LAMA2: variants seen among roughly 807,000 people sequenced by gnomAD.
LAMA2 encodes laminin subunit alpha 2.
In LAMA2, 269 loss-of-function variants were observed where a neutral mutation model predicts 364.8. That is an observed-to-expected ratio of 0.74 (90% confidence interval 0.67 to 0.82). LAMA2 has a LOEUF of 0.82. LAMA2 is among the 40% of genes least tolerant of loss of function. The pLI, the probability that LAMA2 is intolerant of heterozygous loss-of-function variation, is 0.00. For missense variants in LAMA2, 3,807 were observed against 3,873.2 expected (o/e 0.98, Z 0.45); for synonymous variants, 1,379 against 1,370.6 (o/e 1.01, Z -0.14).
At chr6:129,481,772 C>A (rs577129129) in intron 55 of LAMA2, among the ~76,000 whole-genome samples, 1 of 152,082 alleles carries the variant, frequency 6.6e-6, no homozygotes, top group Non-Finnish European at 1.5e-5. Context: ...TCTCCAAGTC[C>A]GACTCCTTAC....
At chr6:129,486,644 T>G in intron 56 of LAMA2, 22 bp downstream of exon 56, 2 of 1,607,582 alleles carry the variant, frequency 1.2e-6, no homozygotes, top group Non-Finnish European at 1.7e-6. Context: ...ACTAAAATAT[T>G]TATTATTGTA....
chr6:129,124,704 A>T (rs1028088151), intron 4 of LAMA2, among the ~76,000 whole-genome samples: 1 of 152,166 alleles, frequency 6.6e-6, no homozygotes, highest in Non-Finnish European at 1.5e-5. Context: ...TCTTTTTCAT[A>T]AAAAAAATTT....
chr6:129,122,407 T>C (rs575133738), intron 4 of LAMA2, among the ~76,000 whole-genome samples: 3 of 152,300 alleles, frequency 2.0e-5, no homozygotes, highest in South Asian at 4.1e-4. Flanking sequence ...TCACAAACCA[T>C]CTTACCGATA....
chr6:129,220,118 G>GA (rs1783724562), intron 12 of LAMA2, among the ~76,000 whole-genome samples: 2 of 152,066 alleles, frequency 1.3e-5, no homozygotes, highest in South Asian at 4.1e-4. Context: ...TTATAGTGGT[G>GA]ATTTCACTTG....
At chr6:129,184,831 G>A (rs546062689) in intron 10 of LAMA2, among the ~76,000 whole-genome samples, 50 of 151,880 alleles carry the variant, frequency 3.3e-4, no homozygotes, top group African/African-American at 1.1e-3. Flanking sequence ...TCCAGCTCTG[G>A]TTCTCTTTCA....
intron 54 of LAMA2, 53 bp downstream of exon 54, chr6:129,478,866 C>T (rs1483615539): frequency 4.7e-6 from 7 of 1,484,682 alleles, no homozygotes; most frequent in South Asian, 1.1e-5. Flanking sequence ...ATTTCACTTA[C>T]TTAGTGTGGC....
chr6:129,016,904 T>G (rs1318413136), intron 1 of LAMA2, among the ~76,000 whole-genome samples: 2 of 151,642 alleles, frequency 1.3e-5, no homozygotes, highest in Non-Finnish European at 3.0e-5. Flanking sequence ...ATATACCAAT[T>G]TTTAAAATGT....
chr6:129,315,080 T>G (rs1774494476), intron 24 of LAMA2, among the ~76,000 whole-genome samples: 1 of 151,792 alleles, frequency 6.6e-6, no homozygotes, highest in Admixed American at 6.6e-5. Context: ...ATGGGAAGAG[T>G]GAGGGCACCA....
intron 43 of LAMA2, among the ~76,000 whole-genome samples, chr6:129,441,591 C>T (rs555108826): frequency 2.5e-4 from 38 of 151,892 alleles, no homozygotes; most frequent in African/African-American, 8.7e-4. Flanking sequence ...ACTGAGAAAA[C>T]CTGAGAGAAA....
intron 1 of LAMA2, among the ~76,000 whole-genome samples, chr6:129,030,357 T>A (rs1331416681): frequency 6.6e-6 from 1 of 152,168 alleles, no homozygotes; most frequent in African/African-American, 2.4e-5. Context: ...CATTGTTGTG[T>A]AATTACTGCC....
chr6:129,226,428 G>T (rs373580954), intron 12 of LAMA2, among the ~76,000 whole-genome samples: 1 of 152,140 alleles, frequency 6.6e-6, no homozygotes, highest in Admixed American at 6.5e-5. Flanking sequence ...TCCTAGCATC[G>T]ATGGTCTTTA....
chr6:129,116,601 A>T (rs549884947), intron 4 of LAMA2, among the ~76,000 whole-genome samples: 1 of 152,248 alleles, frequency 6.6e-6, no homozygotes, highest in African/African-American at 2.4e-5. Context: ...ATAATTGTTT[A>T]AAAAAGATTC....
At chr6:129,478,897 T>C (rs1244234034) in intron 54 of LAMA2, 84 bp downstream of exon 54, 36 of 1,228,810 alleles carry the variant, frequency 2.9e-5, no homozygotes, top group Non-Finnish European at 4.2e-5. Flanking sequence ...AGGATCAGTC[T>C]TTTGTTAATA....
chr6:128,929,154 A>G (rs763036473), intron 1 of LAMA2: 11 of 1,436,322 alleles, frequency 7.7e-6, no homozygotes, highest in Admixed American at 5.0e-5. Context: ...ACAGGATCCA[A>G]TGGCCGGTAG....
intron 20 of LAMA2, among the ~76,000 whole-genome samples, chr6:129,295,867 A>C (rs539272560): frequency 9.2e-5 from 14 of 152,066 alleles, no homozygotes; most frequent in Non-Finnish European, 1.9e-4. Flanking sequence ...AATTTCTGAA[A>C]TAAAGATGAA....
At chr6:129,165,892 G>A (rs377306891) in intron 9 of LAMA2, among the ~76,000 whole-genome samples, 1 of 152,154 alleles carries the variant, frequency 6.6e-6, no homozygotes, top group East Asian at 1.9e-4. Context: ...AGCAAGAAGA[G>A]TTGAATTATG....
intron 23 of LAMA2, 39 bp downstream of exon 23, chr6:129,313,136 C>T: frequency 7.8e-7 from 1 of 1,287,066 alleles, no homozygotes; most frequent in South Asian, 1.3e-5. Flanking sequence ...AAACCTCCCT[C>T]AATTCTGTTT....
At chr6:129,050,219 C>T (rs929590239) in intron 2 of LAMA2, 131 bp downstream of exon 2, 17 of 870,148 alleles carry the variant, frequency 2.0e-5, no homozygotes, top group African/African-American at 5.0e-5. Context: ...CCATTAAGAG[C>T]TTCTTCCTGG....
At chr6:129,153,703 A>C (rs1778944531) in intron 7 of LAMA2, among the ~76,000 whole-genome samples, 1 of 152,216 alleles carries the variant, frequency 6.6e-6, no homozygotes, top group African/African-American at 2.4e-5. Context: ...TAAAATCAGT[A>C]GCAACAAATA....
Sources: gnomAD v4.1 joint callset for allele counts (sites outside exome capture counted in the v4.1 genomes callset) on GRCh38, gnomAD v4.1.1 for gene constraint, MANE v1.5 for transcripts, NCBI Gene and HGNC (gene_info 2026-07-23, HGNC 2026-07-21) for gene names.